STAB2: variants seen among roughly 807,000 people sequenced by gnomAD.
STAB2 encodes the protein stabilin-2.
Under a neutral mutation model 338.1 loss-of-function variants are expected in STAB2, and 288 were observed. That is an observed-to-expected ratio of 0.85 (90% CI 0.77 to 0.94). The LOEUF is 0.94. STAB2 is among the 40% of genes least tolerant of loss of function. STAB2 has a pLI of 0.00. For missense variants in STAB2, 3,141 were observed against 3,210.1 expected, an observed-to-expected ratio of 0.98 and a Z score of 0.52; for synonymous variants, 1,202 against 1,193.3, an observed-to-expected ratio of 1.01 and a Z score of -0.15.
rs998936614 is a variant in STAB2 at position 103,766,471 on chromosome 12, T to A, written c.*135T>A. 4.8e-6 allele frequency: 5 copies of A among 1,034,506 alleles called. No individual in the cohort carries two copies. The highest frequency in any genetic ancestry group is 6.9e-6 in the Non-Finnish European group (5 of 720,148). The allele number at this position is 1,034,506 out of a possible 1,614,324, so 64.1% of individuals were successfully genotyped here. On this transcript the variant is annotated 3_prime_UTR_variant, in exon 69 of 69. Transcript: ENST00000388887. ...AGCCATACCTCATCTCTCTGGCTGA[T>A]CTGGGGGTTGTTTCTGTGGGTGAGA...
At chr12:103,689,798 T>C in intron 28 of STAB2, 48 bp from the exon 29 acceptor site, 1 of 1,593,542 alleles carries the variant, frequency 6.3e-7, no homozygotes, top group Non-Finnish European at 8.5e-7. Context: ...GCAGCTCTGT[T>C]TGTCCCCTAA....
chr12:103,752,649 G>GT (rs1032193082), intron 60 of STAB2, among the ~76,000 whole-genome samples: 4 of 152,074 alleles, frequency 2.6e-5, no homozygotes, highest in African/African-American at 9.7e-5. Flanking sequence ...ACTTTAATGT[G>GT]TTTTTTATAG....
intron 11 of STAB2, among the ~76,000 whole-genome samples, chr12:103,651,849 C>A (rs1230787041): frequency 6.6e-6 from 1 of 152,024 alleles, no homozygotes; most frequent in Non-Finnish European, 1.5e-5. Flanking sequence ...GAATCAAAAC[C>A]CAGTAAGTTG....
chr12:103,737,572 GTTTC>G, intron 52 of STAB2, 58 bp from the exon 53 acceptor site: 2 of 1,233,150 alleles, frequency 1.6e-6, no homozygotes, highest in Non-Finnish European at 2.2e-6. Context: ...GAGATTGACT[GTTTC>G]TCTCTCTCTC....
At chr12:103,726,087 C>A (rs1002148046) in intron 45 of STAB2, 29 bp from the exon 46 acceptor site, 3 of 1,611,940 alleles carry the variant, frequency 1.9e-6, no homozygotes, top group Non-Finnish European at 8.5e-7. Context: ...ATTTCACAGG[C>A]ATTAAGTGAA....
chr12:103,615,924 C>T (rs1228084097), intron 3 of STAB2, among the ~76,000 whole-genome samples: 3 of 152,106 alleles, frequency 2.0e-5, no homozygotes, highest in African/African-American at 7.2e-5. Flanking sequence ...GCCCTTGACA[C>T]ATGGGGATTA....
Position 103,762,267 on chromosome 12 carries a change from T to G in STAB2, c.7360-7T>G. Reference sequence around the variant, plus strand: ...AGAATGGGCCCCTTTCCTTTCTTTGTGTTCAGACCTTGACCCACACTGGCT... The same window carrying G: ...AGAATGGGCCCCTTTCCTTTCTTTGGGTTCAGACCTTGACCCACACTGGCT... On this transcript the variant is annotated splice_polypyrimidine_tract_variant and splice_region_variant and intron_variant, in intron 66 of 68. Coordinates refer to ENST00000388887, the MANE Select transcript of STAB2 (RefSeq NM_017564.10). 1 of 1,613,584 alleles carries G rather than the reference T, an allele frequency of 6.2e-7. No homozygotes were observed. The highest frequency in any genetic ancestry group is 8.5e-7 in the Non-Finnish European group (1 of 1,179,854).
chr12:103,639,963 T>G (rs1387410780), intron 8 of STAB2, among the ~76,000 whole-genome samples, 160 bp from the exon 9 acceptor site: 1 of 152,226 alleles, frequency 6.6e-6, no homozygotes, highest in Non-Finnish European at 1.5e-5. Flanking sequence ...AAACATGATT[T>G]CTACTTTTAG....
chr12:103,746,956 T>C (rs7962973), intron 58 of STAB2, among the ~76,000 whole-genome samples: 10,167 of 87,368 alleles, frequency 0.12, 1,228 homozygotes, highest in African/African-American at 0.29. Context: ...TTTCTTTTTT[T>C]TTTTTTTTTT....
intron 35 of STAB2, 131 bp from the exon 36 acceptor site, chr12:103,704,427 G>A: frequency 1.3e-6 from 1 of 783,404 alleles, no homozygotes; most frequent in Non-Finnish European, 2.0e-6. Flanking sequence ...GTTTGTCTCA[G>A]AACATTAAAG....
chr12:103,699,093 C>T lies in STAB2; in HGVS notation c.3583-3C>T. On this transcript the variant is annotated splice_polypyrimidine_tract_variant and splice_region_variant and intron_variant, in intron 33 of 68. Coordinates refer to ENST00000388887, the MANE Select transcript of STAB2 (RefSeq NM_017564.10). ...CTGACTTCCAATTCTGTGTGTGATC[C>T]AGGAGGAGGACGTCCTCCGGTATCA... 1.9e-6 allele frequency: 3 copies of T among 1,605,378 alleles called. No individual in the cohort carries two copies. Among genetic ancestry groups the T allele is most frequent in the Non-Finnish European group, 2.6e-6 (3 of 1,174,046 alleles).
intron 63 of STAB2, among the ~76,000 whole-genome samples, chr12:103,756,567 C>A (rs971179099): frequency 1.3e-5 from 2 of 152,200 alleles, no homozygotes; most frequent in Non-Finnish European, 2.9e-5. Context: ...TGAGGCTTAG[C>A]AAGGCCAAGG....
intron 3 of STAB2, among the ~76,000 whole-genome samples, chr12:103,604,432 C>G (rs778091046): frequency 6.6e-6 from 1 of 151,998 alleles, no homozygotes; most frequent in Non-Finnish European, 1.5e-5. Context: ...TTTTGTAAAA[C>G]TGATATAACT....
rs188544844 is a variant in STAB2 at position 103,637,622 on chromosome 12, T to A, written c.709+386T>A. Among the ~76,000 whole-genome samples, 429 of 152,320 alleles carry A rather than the reference T, an allele frequency of 2.8e-3. 1 individual carries two copies. Among genetic ancestry groups the A allele is most frequent in the Non-Finnish European group, 5.4e-3 (368 of 68,018 alleles). On this transcript the variant is annotated intron_variant, in intron 7 of 68. Transcript: ENST00000388887. ...TCTACTGACTACATGACCTTTAACCTGCCGTGTCTCAGTTTTTCTGTCTAT... is the reference window on the plus strand; with the variant it reads ...TCTACTGACTACATGACCTTTAACCAGCCGTGTCTCAGTTTTTCTGTCTAT...
intron 61 of STAB2, 40 bp downstream of exon 61, chr12:103,753,393 G>A (rs3751200): frequency 0.22 from 358,131 of 1,612,774 alleles, 42,227 homozygotes; most frequent in Non-Finnish European, 0.24. Flanking sequence ...GACAGAGTCT[G>A]CAGGGGCGGA....
At chr12:103,733,284 T>G in intron 51 of STAB2, 102 bp downstream of exon 51, 1 of 1,375,398 alleles carries the variant, frequency 7.3e-7, no homozygotes, top group Non-Finnish European at 1.0e-6. Context: ...TGTGTCCCTG[T>G]CACCACTGTA....
chr12:103,737,584 C>CTG, intron 52 of STAB2, 50 bp from the exon 53 acceptor site: 1 of 1,333,814 alleles, frequency 7.5e-7, no homozygotes, highest in Non-Finnish European at 1.0e-6. Flanking sequence ...TTCTCTCTCT[C>CTG]TCTCTCTCTC....
chr12:103,667,461 C>A (rs192008738), intron 19 of STAB2, among the ~76,000 whole-genome samples: 2 of 152,332 alleles, frequency 1.3e-5, no homozygotes, highest in Admixed American at 1.3e-4. Flanking sequence ...CAAGGTCACA[C>A]AGCTGATGTG....
chr12:103,620,334 A>G lies in STAB2; in HGVS notation c.332-134A>G, dbSNP rs1957278635. ...ACTCCTGCCTTTTCTGTAAAACCCT[A>G]GATGACACCAACAGGTTCTGCAATT... On this transcript the variant is annotated intron_variant, in intron 3 of 68. Transcript: ENST00000388887. 3.3e-5 allele frequency: 25 copies of G among 754,610 alleles called. No individual in the cohort carries two copies. In the South Asian group the frequency reaches 4.3e-4, roughly 13 times the overall value. 46.7% of individuals were successfully genotyped at this position (754,610 alleles called of 1,614,324 possible).
Sources: gnomAD v4.1 joint callset for allele counts (sites outside exome capture counted in the v4.1 genomes callset) on GRCh38, gnomAD v4.1.1 for gene constraint, MANE v1.5 for transcripts, NCBI Gene and HGNC (gene_info 2026-07-23, HGNC 2026-07-21) for gene names.